The following CAMTA1 variants were observed in gnomAD, a reference collection of about 807,000 sequenced individuals.
CAMTA1 encodes the protein calmodulin-binding transcription activator 1.
Under a neutral mutation model 170.9 loss-of-function variants are expected in CAMTA1, and 27 were observed. The ratio of observed to expected loss-of-function variants is 0.16; its 90% CI spans 0.12 to 0.22. The LOEUF is 0.22. Among genes scored for constraint, CAMTA1 ranks in the 10% least tolerant of loss-of-function variants. The probability of loss-of-function intolerance (pLI) is 1.00; values close to 1 mark genes in which losing one functional copy is unlikely to be tolerated. For synonymous variants in CAMTA1, 833 were observed against 891.5 expected, an observed-to-expected ratio of 0.93 and a Z score of 1.17; for missense variants, 1,619 against 2,217.2, an observed-to-expected ratio of 0.73 and a Z score of 5.42.
chr1:6,946,325 A>G (rs1687575777), intron 3 of CAMTA1, among the ~76,000 whole-genome samples: 1 of 151,964 alleles, frequency 6.6e-6, no homozygotes, highest in African/African-American at 2.4e-5. Context: ...CTGAGTAGCT[A>G]GGACTGCAAG....
At chr1:6,983,969 G>T (rs1694874490) in intron 3 of CAMTA1, among the ~76,000 whole-genome samples, 1 of 149,992 alleles carries the variant, frequency 6.7e-6, no homozygotes, top group South Asian at 2.2e-4. Context: ...TGGATAAATG[G>T]TTGGGTGGAT....
At chr1:7,277,180 C>A (rs1279455202) in intron 5 of CAMTA1, among the ~76,000 whole-genome samples, 1 of 152,162 alleles carries the variant, frequency 6.6e-6, no homozygotes, top group African/African-American at 2.4e-5. Context: ...CTGTCAAAAT[C>A]TCATCAGACT....
chr1:7,380,988 G>T (rs542785938), intron 5 of CAMTA1, among the ~76,000 whole-genome samples: 2 of 152,174 alleles, frequency 1.3e-5, no homozygotes, highest in African/African-American at 4.8e-5. Flanking sequence ...CTAAGGTCAT[G>T]CAAGGATGGC....
intron 5 of CAMTA1, chr1:7,389,373 C>A (rs61193823): frequency 0.025 from 3,800 of 152,690 alleles, 105 homozygotes; most frequent in African/African-American, 0.062. Context: ...CACTGGAGTT[C>A]TTGATGTCAC....
intron 3 of CAMTA1, among the ~76,000 whole-genome samples, chr1:7,031,346 G>A (rs1702773309): frequency 6.6e-6 from 1 of 152,034 alleles, no homozygotes; most frequent in South Asian, 2.1e-4. Flanking sequence ...CTTTTTATCT[G>A]TAGTAGTATT....
chr1:7,520,437 G>A (rs2094350155), intron 6 of CAMTA1, among the ~76,000 whole-genome samples: 1 of 150,576 alleles, frequency 6.6e-6, no homozygotes, highest in South Asian at 2.1e-4. Flanking sequence ...TTGGCAGGGA[G>A]GTGGGGCCAG....
chr1:6,913,949 T>A (rs1274629054), intron 3 of CAMTA1, among the ~76,000 whole-genome samples: 1 of 151,744 alleles, frequency 6.6e-6, no homozygotes, highest in Non-Finnish European at 1.5e-5. Flanking sequence ...GAGAAAGGAG[T>A]AAAGAGGCTA....
chr1:7,692,875 C>T (rs1241351698), intron 11 of CAMTA1, among the ~76,000 whole-genome samples: 1 of 152,176 alleles, frequency 6.6e-6, no homozygotes, highest in East Asian at 1.9e-4. Context: ...AACTCACAGC[C>T]CAGGGCAGGG....
rs750811156 is a variant in CAMTA1 at position 7,736,395 on chromosome 1, G to A, written c.3118G>A (p.Val1040Met). The change falls in exon 13 of 23, where the codon GTG becomes ATG. Residue 1040 changes from valine to methionine, a missense_variant. Around this residue, in one of 8 missense-constraint regions of CAMTA1, gnomAD observed 143 missense variants for 184.2 expected, o/e 0.78. Transcript: ENST00000303635. This position sits in a 1 kb window ranked among gnomAD's most constrained non-coding sequence, Gnocchi z 4.5. ...LGSCFESRVV[V>M]VCEKMMSRAC... Reference sequence around the variant, plus strand: ...GAGCTGCTTTGAGAGCCGTGTGGTCGTGGTATGCGAGAAGATGATGAGCCG... The same window carrying A: ...GAGCTGCTTTGAGAGCCGTGTGGTCATGGTATGCGAGAAGATGATGAGCCG... 9.9e-6 allele frequency: 16 copies of A among 1,614,004 alleles called. No homozygotes were observed. The highest frequency in any genetic ancestry group is 1.7e-5 in the Admixed American group (1 of 59,998).
rs560416789 is a variant in CAMTA1, at chr1:7,705,739, C to CG, written c.2915-26704dup. Among the ~76,000 whole-genome samples, 8 of 152,228 alleles carry CG rather than the reference C, an allele frequency of 5.3e-5. No homozygotes were observed. In the South Asian group the frequency reaches 1.7e-3, roughly 32 times the overall value. ...CCTCAGCGGGTGCGGGATCGGGCGA[C>CG]GGGGGACTGTCTCTAACTACAGACC... is the stretch of plus-strand genomic sequence containing the variant. On this transcript the variant is annotated intron_variant, in intron 11 of 22. Transcript: ENST00000303635.
intron 6 of CAMTA1, among the ~76,000 whole-genome samples, chr1:7,490,405 A>T (rs770759495): frequency 1.3e-5 from 2 of 152,192 alleles, no homozygotes; most frequent in Non-Finnish European, 2.9e-5. Flanking sequence ...TAATCCCAGC[A>T]CTTTGGGAGG....
chr1:7,597,901 C>T (rs959618683), intron 6 of CAMTA1, among the ~76,000 whole-genome samples: 1 of 149,640 alleles, frequency 6.7e-6, no homozygotes, highest in African/African-American at 2.5e-5. Context: ...ATACATATGC[C>T]GTGGTGGTTT....
intron 6 of CAMTA1, among the ~76,000 whole-genome samples, chr1:7,544,848 A>C (rs1021137878): frequency 6.6e-5 from 10 of 151,978 alleles, no homozygotes; most frequent in African/African-American, 2.4e-4. Context: ...AAGAAGCCAG[A>C]CTCTTTAACA....
At chr1:7,105,641 T>A (rs1229991880) in intron 4 of CAMTA1, among the ~76,000 whole-genome samples, 2 of 152,220 alleles carry the variant, frequency 1.3e-5, no homozygotes, top group Non-Finnish European at 2.9e-5. Flanking sequence ...GCCTCAAAGT[T>A]GATTTTAAAA....
chr1:6,810,674 G>A (rs369163087), intron 1 of CAMTA1, among the ~76,000 whole-genome samples: 9 of 152,198 alleles, frequency 5.9e-5, no homozygotes, highest in South Asian at 2.1e-4. Flanking sequence ...GCGTGGTGGC[G>A]GACACCTGCA....
intron 3 of CAMTA1, among the ~76,000 whole-genome samples, chr1:6,883,801 A>G (rs986926514): frequency 1.6e-4 from 25 of 152,126 alleles, no homozygotes; most frequent in Non-Finnish European, 1.5e-5. Flanking sequence ...GTCACGTGTA[A>G]TTTTTAATGT....
chr1:6,910,397 C>T (rs1389507962), intron 3 of CAMTA1, among the ~76,000 whole-genome samples: 1 of 152,210 alleles, frequency 6.6e-6, no homozygotes, highest in African/African-American at 2.4e-5. Flanking sequence ...ACAGAGTCAC[C>T]TGGGTGGCCC....
intron 4 of CAMTA1, among the ~76,000 whole-genome samples, chr1:7,186,896 C>T (rs1012238890): frequency 4.6e-5 from 7 of 152,012 alleles, no homozygotes; most frequent in African/African-American, 1.7e-4. Context: ...CAGGAGTCTT[C>T]CCGGCGGGGG....
chr1:7,018,655 T>G (rs1436950043), intron 3 of CAMTA1, among the ~76,000 whole-genome samples: 1 of 152,134 alleles, frequency 6.6e-6, no homozygotes, highest in Non-Finnish European at 1.5e-5. Flanking sequence ...GCCAACAAGG[T>G]GTTCTCGATA....
Sources: gnomAD v4.1 joint callset for allele counts (sites outside exome capture counted in the v4.1 genomes callset) on GRCh38, gnomAD v4.1.1 for gene constraint, gnomAD v4.1.1 regional missense constraint, Gnocchi (gnomAD v3.1) non-coding constraint, MANE v1.5 for transcripts, NCBI Gene and HGNC (gene_info 2026-07-23, HGNC 2026-07-21) for gene names.